ZNF749: variants seen among roughly 807,000 people sequenced by gnomAD.
ZNF749 encodes zinc finger protein 749.
ZNF749 carries 8 observed loss-of-function variants against 7.3 expected under a neutral mutation model. The ratio of observed to expected loss-of-function variants is 1.10; its 90% CI spans 0.64 to 1.98. The LOEUF (loss-of-function observed/expected upper bound fraction) is 1.98, where lower values mean the gene tolerates loss of function less well. Among genes scored for constraint, ZNF749 ranks in the 30% most tolerant of loss-of-function variants. The pLI is 0.00. For missense variants in ZNF749, 898 were observed against 932.4 expected (o/e 0.96, Z 0.48); for synonymous variants, 310 against 322.4 (o/e 0.96, Z 0.41).
intron 1 of ZNF749, among the ~76,000 whole-genome samples, chr19:57,441,592 G>A (rs1028418538): frequency 6.6e-6 from 1 of 152,112 alleles, no homozygotes; most frequent in Non-Finnish European, 1.5e-5. Flanking sequence ...GGCATGCAGG[G>A]TGGGATGAGG....
Position 57,445,398 on chromosome 19 carries a change from T to C in ZNF749, c.2250T>C (p.Ser750=). Residue 750 remains serine, a synonymous_variant, in exon 3 of 3, where the codon TCT becomes TCC. Transcript: ENST00000334181. ...QRQKTHTGER[S]YECGESSKVF... The stretch of plus-strand genomic sequence containing the variant: ...AAAAAACTCACACTGGAGAAAGGTC[T>C]TATGAGTGTGGTGAATCCAGCAAAG... 1 of 1,614,002 alleles carries C rather than the reference T, an allele frequency of 6.2e-7. No homozygotes were observed. The highest frequency in any genetic ancestry group is 1.1e-5 in the South Asian group (1 of 91,088).
chr19:57,436,553 A>G lies in ZNF749; in HGVS notation c.15+960A>G, dbSNP rs191202562. The stretch of plus-strand genomic sequence containing the variant: ...GATGGATAAGGAGTTGCCCTGGAAT[A>G]CAGAGACTGAGGCATGAGATAATTG... On this transcript the variant is annotated intron_variant, in intron 1 of 2. Coordinates refer to ENST00000334181, the MANE Select transcript of ZNF749 (RefSeq NM_001023561.4). This position sits in a 1 kb window ranked among gnomAD's most constrained non-coding sequence, Gnocchi z 4.0. 5.9e-5 allele frequency among the ~76,000 whole-genome samples: 9 copies of G among 152,286 alleles called. No homozygotes were observed.
In ZNF749 at chr19:57,443,834, G is replaced by A. The variant is rs138547766; in HGVS notation, c.686G>A (p.Cys229Tyr). The A allele has an allele frequency of 3.7e-6, 6 of 1,614,074 alleles. No homozygotes were observed. The highest frequency in any genetic ancestry group is 5.1e-6 in the Non-Finnish European group (6 of 1,180,030). The stretch of plus-strand genomic sequence containing the variant: ...GAGAGGCCTTATGAGTTCAGTGAAT[G>A]TGGGGAATTGTTTAGGTACAACTCC... ...NGERPYEFSE[C>Y]GELFRYNSNL... The change falls in exon 3 of 3, where the codon TGT (cysteine) becomes TAT (tyrosine). Residue 229 changes from cysteine to tyrosine, a missense_variant. Cys to Tyr is a radical substitution (Grantham distance 194). Transcript: ENST00000334181.
Position 57,445,598 on chromosome 19 carries a change from T to C in ZNF749, c.*113T>C. The C allele has an allele frequency of 8.1e-6, 12 of 1,474,700 alleles. No homozygotes were observed. Among genetic ancestry groups the C allele is most frequent in the Non-Finnish European group, 1.1e-5 (12 of 1,110,548 alleles). 91.4% of individuals were successfully genotyped at this position (1,474,700 alleles called of 1,614,324 possible). A position where few individuals can be genotyped will look rare whatever the true frequency, so the allele number is the denominator to read the frequency against. On this transcript the variant is annotated 3_prime_UTR_variant, in exon 3 of 3. Coordinates refer to ENST00000334181, the MANE Select transcript of ZNF749 (RefSeq NM_001023561.4). The stretch of plus-strand genomic sequence containing the variant: ...AAATCTAATGTTGAAAGAGTTCAGA[T>C]GGAAATCTGCGAGGATTTCCTGCTG...
chr19:57,437,718 T>C (rs1352974452), intron 1 of ZNF749, among the ~76,000 whole-genome samples: 1 of 144,426 alleles, frequency 6.9e-6, no homozygotes, highest in East Asian at 2.0e-4. Context: ...GGCGAGACAC[T>C]GTCTCAAAAA....
chr19:57,436,716 C>T lies in ZNF749; in HGVS notation c.15+1123C>T, dbSNP rs1236675365. On this transcript the variant is annotated intron_variant, in intron 1 of 2. Coordinates refer to ENST00000334181, the MANE Select transcript of ZNF749 (RefSeq NM_001023561.4). The surrounding 1 kb of genome is among the most constrained non-coding windows in gnomAD (Gnocchi z 4.0). ...ACCACAGTTAAGGGCCTCCAGCAAG[C>T]TCCCTTTACTGCATTATATGGCAGG... Among the ~76,000 whole-genome samples the T allele has an allele frequency of 2.0e-5, 3 of 152,248 alleles. No homozygotes were observed. The highest frequency in any genetic ancestry group is 7.2e-5 in the African/African-American group (3 of 41,466).
Position 57,444,427 on chromosome 19 carries a change from C to T in ZNF749, c.1279C>T (p.Gln427Ter). The T allele has an allele frequency of 6.2e-7, 1 of 1,613,960 alleles. No homozygotes were observed. Among genetic ancestry groups the T allele is most frequent in the Non-Finnish European group, 8.5e-7 (1 of 1,179,906 alleles). Residue 427 changes from glutamine to a stop codon, truncating the protein, a stop_gained, in exon 3 of 3, where the codon CAG becomes TAG. Transcript: ENST00000334181. LOFTEE classifies it low-confidence loss of function (END_TRUNC). ...KAFSLKHNVV[Q>*]HLKIHTGERP... ...CTTTAGCCTCAAACATAATGTTGTTCAGCATCTGAAAATTCATACTGGAGA... is the reference window on the plus strand; with the variant it reads ...CTTTAGCCTCAAACATAATGTTGTTTAGCATCTGAAAATTCATACTGGAGA...
At chr19:57,428,569 A>G in the ZNF749 span, 1 of 152,080 alleles carries the variant, frequency 6.6e-6, no homozygotes, top group African/African-American at 2.4e-5. Flanking sequence ...CCTCTCAAGT[A>G]GCTGGGACTA....
rs761423227 is a variant in ZNF749 at position 57,443,828 on chromosome 19, G to C, written c.680G>C (p.Ser227Thr). The change falls in exon 3 of 3, where the codon AGT becomes ACT. Residue 227 changes from serine (S) to threonine (T), a missense_variant. Ser to Thr is a moderately conservative substitution (Grantham distance 58). Coordinates refer to ENST00000334181, the MANE Select transcript of ZNF749 (RefSeq NM_001023561.4). The part of the protein sequence containing the change: ...THNGERPYEF[S>T]ECGELFRYNS... ...AATGGGGAGAGGCCTTATGAGTTCA[G>C]TGAATGTGGGGAATTGTTTAGGTAC... 4 of 1,614,070 alleles carry C rather than the reference G, an allele frequency of 2.5e-6. No individual in the cohort carries two copies. Among genetic ancestry groups the C allele is most frequent in the Non-Finnish European group, 2.5e-6 (3 of 1,180,042 alleles).
chr19:57,437,480 C>T (rs1339809204), intron 1 of ZNF749, among the ~76,000 whole-genome samples: 1 of 151,962 alleles, frequency 6.6e-6, no homozygotes, highest in Non-Finnish European at 1.5e-5. Flanking sequence ...AATCCCAGCA[C>T]TTTGGGAAGC....
chr19:57,434,160 A>G (rs935357009), upstream of ZNF749, among the ~76,000 whole-genome samples: 4 of 152,112 alleles, frequency 2.6e-5, no homozygotes, highest in African/African-American at 9.7e-5. Flanking sequence ...TACAATGGCG[A>G]GATCTCGGCT....
rs933310316 is a variant in ZNF749, at chr19:57,443,530, G to A, written c.382G>A (p.Glu128Lys). ...CCTGCACCAAAAGGAGCAGATTAGA[G>A]AGAAGCTCACCAGAAGTGATGAGTG... ...HDLHQKEQIR[E>K]KLTRSDEWRP... The change falls in exon 3 of 3, where the codon GAG (glutamate) becomes AAG (lysine). Residue 128 changes from glutamate (E) to lysine (K), a missense_variant. By Grantham distance (56) the Glu-to-Lys change is moderately conservative. Coordinates refer to ENST00000334181, the MANE Select transcript of ZNF749 (RefSeq NM_001023561.4). 6.8e-6 allele frequency: 11 copies of A among 1,614,242 alleles called. No individual in the cohort carries two copies. The highest frequency in any genetic ancestry group is 8.5e-6 in the Non-Finnish European group (10 of 1,180,034).
intron 1 of ZNF749, among the ~76,000 whole-genome samples, chr19:57,437,795 C>G (rs866737026): frequency 5.3e-5 from 8 of 150,420 alleles, no homozygotes; most frequent in Admixed American, 4.0e-4. Flanking sequence ...AAAACATGTA[C>G]AAAACCATTA....
Position 57,436,630 on chromosome 19 carries a change from A to G in ZNF749, c.15+1037A>G, listed in dbSNP as rs1476279837. On this transcript the variant is annotated intron_variant, in intron 1 of 2. Transcript: ENST00000334181. This position sits in a 1 kb window ranked among gnomAD's most constrained non-coding sequence, Gnocchi z 4.0. The stretch of plus-strand genomic sequence containing the variant: ...TGGCCCTGAGGGCCACTCTTTAGGG[A>G]ACAAGATAAGGCCATGCAGCAACTG... 3.3e-5 allele frequency among the ~76,000 whole-genome samples: 5 copies of G among 152,218 alleles called. No homozygotes were observed. The highest frequency in any genetic ancestry group is 2.6e-4 in the Admixed American group (4 of 15,282).
intron 1 of ZNF749, among the ~76,000 whole-genome samples, chr19:57,437,279 C>T (rs1489624974): frequency 6.6e-6 from 1 of 151,680 alleles, no homozygotes; most frequent in African/African-American, 2.4e-5. Flanking sequence ...TTTCCTCAGC[C>T]AATATCCTTC....
intron 1 of ZNF749, among the ~76,000 whole-genome samples, 160 bp from the exon 2 acceptor site, chr19:57,441,721 TTAGA>T (rs1228036599): frequency 6.6e-6 from 1 of 152,140 alleles, no homozygotes; most frequent in Non-Finnish European, 1.5e-5. Context: ...TGTATGAGCA[TTAGA>T]TAGTGGTTCA....
chr19:57,432,244 A>G (rs2123084452), upstream of ZNF749, among the ~76,000 whole-genome samples: 1 of 151,810 alleles, frequency 6.6e-6, no homozygotes, highest in Admixed American at 6.6e-5. Context: ...AAATGGTGTG[A>G]TACTATCAAG....
In ZNF749 at chr19:57,443,729, A is replaced by T; in HGVS notation, c.581A>T (p.Asn194Ile). 6.2e-7 allele frequency: 1 copy of T among 1,614,134 alleles called. No homozygotes were observed. Among genetic ancestry groups the T allele is most frequent in the Admixed American group, 1.7e-5 (1 of 60,028 alleles). Residue 194 changes from asparagine (N) to isoleucine (I), a missense_variant, in exon 3 of 3, where the codon AAT (asparagine) becomes ATT (isoleucine). Asn to Ile is a moderately radical substitution (Grantham distance 149, BLOSUM62 -3). Coordinates refer to ENST00000334181, the MANE Select transcript of ZNF749 (RefSeq NM_001023561.4). ...GGGGAAGCCTTTCAAGGTGAACAGA[A>T]TGATTTCAACTCCAGCCAAGGTGGG... ...QDGEAFQGEQ[N>I]DFNSSQGGKD...
At position 57,438,372 on chromosome 19, in the gene ZNF749, G is replaced by A. The variant is rs910164256; in HGVS notation, c.15+2779G>A. ...CTCCCTTTCATCCTACCCAATAAAT[G>A]TGGAGGGCTGTGGAAGCTCAGGGGC... On this transcript the variant is annotated intron_variant, in intron 1 of 2. Coordinates refer to ENST00000334181, the MANE Select transcript of ZNF749 (RefSeq NM_001023561.4). The A allele has an allele frequency of 6.6e-5, 19 of 286,760 alleles. 1 individual carries two copies. The highest frequency in any genetic ancestry group is 2.3e-4 in the East Asian group (4 of 17,448). The allele number at this position is 286,760 out of a possible 1,614,324, so 17.8% of individuals were successfully genotyped here. A position where few individuals can be genotyped will look rare whatever the true frequency, so the allele number is the denominator to read the frequency against.
Sources: gnomAD v4.1 joint callset for allele counts (sites outside exome capture counted in the v4.1 genomes callset) on GRCh38, gnomAD v4.1.1 for gene constraint, Gnocchi (gnomAD v3.1) non-coding constraint, MANE v1.5 for transcripts, NCBI Gene and HGNC (gene_info 2026-07-23, HGNC 2026-07-21) for gene names.